Variants in STRIP2 observed in about 807,000 individuals in gnomAD.
STRIP2 encodes the protein striatin interacting protein 2.
STRIP2 carries 84 observed loss-of-function variants against 107.1 expected under a neutral mutation model. The ratio of observed to expected loss-of-function variants is 0.78; its 90% CI spans 0.66 to 0.94. STRIP2 has a LOEUF of 0.94. Among genes scored for constraint, STRIP2 ranks in the 40% least tolerant of loss-of-function variants. The probability of loss-of-function intolerance (pLI) is 0.00; values close to 1 mark genes in which losing one functional copy is unlikely to be tolerated. For missense variants in STRIP2, 888 were observed against 1,034.2 expected (o/e 0.86, Z 1.94); for synonymous variants, 394 against 400.4 (o/e 0.98, Z 0.19).
chr7:129,450,596 G>T (rs1798158571), intron 3 of STRIP2, among the ~76,000 whole-genome samples: 1 of 152,218 alleles, frequency 6.6e-6, no homozygotes, highest in African/African-American at 2.4e-5. Flanking sequence ...AGATACTGGA[G>T]GCAGGAGTGA....
chr7:129,477,864 A>T, intron 18 of STRIP2: 2 of 477,854 alleles, frequency 4.2e-6, no homozygotes, highest in Non-Finnish European at 8.4e-6. Flanking sequence ...CTGTGAGCCC[A>T]TGTAGACACC....
chr7:129,446,653 G>C (rs1388538309), intron 3 of STRIP2, among the ~76,000 whole-genome samples: 2 of 152,130 alleles, frequency 1.3e-5, no homozygotes, highest in African/African-American at 4.8e-5. Flanking sequence ...CTCTTCCTCT[G>C]TCAACTTATA....
chr7:129,476,871 C>T (rs1420200120), intron 18 of STRIP2, among the ~76,000 whole-genome samples: 1 of 151,936 alleles, frequency 6.6e-6, no homozygotes, highest in Non-Finnish European at 1.5e-5. Context: ...CCACTGCACT[C>T]CAGCCTGGGC....
At chr7:129,474,959 T>A (rs941448032) in intron 18 of STRIP2, among the ~76,000 whole-genome samples, 2 of 152,238 alleles carry the variant, frequency 1.3e-5, no homozygotes, top group Admixed American at 6.5e-5. Flanking sequence ...TTTGTCAAAC[T>A]AATTAGCTCT....
rs1342847001 is a variant in STRIP2, at chr7:129,485,599, G to A, written c.2275G>A (p.Asp759Asn). 6.2e-7 allele frequency: 1 copy of A among 1,613,908 alleles called. No homozygotes were observed. Among genetic ancestry groups the A allele is most frequent in the Admixed American group, 1.7e-5 (1 of 59,968 alleles). The change falls in exon 21 of 21, where the codon GAC becomes AAC. Residue 759 changes from aspartate to asparagine, a missense_variant. Transcript: ENST00000249344. ...CACAGACATCGATGCCAGACCATGG[G>A]ACTTCCAAGCAGAAGAATGTACCTT... ...YGNDIDARPW[D>N]FQAEECTLRA...
chr7:129,440,141 G>T, intron 2 of STRIP2, 50 bp downstream of exon 2: 1 of 1,510,054 alleles, frequency 6.6e-7, no homozygotes, highest in South Asian at 1.1e-5. Context: ...CAGGAGGAGA[G>T]GGAAGGGGCC....
At chr7:129,454,005 C>T in intron 5 of STRIP2, 137 bp from the exon 6 acceptor site, 1 of 725,086 alleles carries the variant, frequency 1.4e-6, no homozygotes, top group Non-Finnish European at 2.3e-6. Flanking sequence ...CTGTCAGCTC[C>T]TTTACTCTAG....
chr7:129,444,442 C>T (rs990881977), intron 3 of STRIP2, among the ~76,000 whole-genome samples: 8 of 152,114 alleles, frequency 5.3e-5, no homozygotes, highest in Non-Finnish European at 7.4e-5. Flanking sequence ...CTAGGCCCAT[C>T]TCTCCTTTTC....
intron 13 of STRIP2, among the ~76,000 whole-genome samples, chr7:129,462,659 A>G (rs950601720): frequency 1.3e-5 from 2 of 149,868 alleles, no homozygotes; most frequent in Admixed American, 6.6e-5. Context: ...GGCTTACAGA[A>G]CGTTCTAGAG....
rs1005374222 is a variant in STRIP2, at chr7:129,462,660, C to T, written c.1477-306C>T. ...TACCTCTCCTTCCAGGCTTACAGAACGTTCTAGAGTTTTCAGCCTCAGATC... is the reference window on the plus strand; with the variant it reads ...TACCTCTCCTTCCAGGCTTACAGAATGTTCTAGAGTTTTCAGCCTCAGATC... On this transcript the variant is annotated intron_variant, in intron 13 of 20. Transcript: ENST00000249344. Among the ~76,000 whole-genome samples the T allele has an allele frequency of 1.3e-4, 20 of 151,096 alleles. No homozygotes were observed. In the East Asian group the frequency reaches 3.5e-3, roughly 27 times the overall value.
chr7:129,436,360 C>T (rs1797738297), intron 1 of STRIP2, among the ~76,000 whole-genome samples: 2 of 152,180 alleles, frequency 1.3e-5, no homozygotes, highest in Admixed American at 1.3e-4. Context: ...TGTTCCCCAC[C>T]TGTCAAGTCT....
intron 5 of STRIP2, 70 bp from the exon 6 acceptor site, chr7:129,454,072 A>T (rs895800572): frequency 7.1e-7 from 1 of 1,418,364 alleles, no homozygotes; most frequent in Non-Finnish European, 9.9e-7. Context: ...TATTTGTGTG[A>T]GTGATAAGTA....
At position 129,460,428 on chromosome 7, in the gene STRIP2, T is replaced by C. The variant is rs2151004150; in HGVS notation, c.1476+56T>C. ...AGTAGAAGAAAACCTGTCTTCAGTG[T>C]TGTCACAGAGCATGTGTGCATGCAT... On this transcript the variant is annotated intron_variant, in intron 13 of 20. Coordinates refer to ENST00000249344, the MANE Select transcript of STRIP2 (RefSeq NM_020704.3). The C allele has an allele frequency of 4.8e-6, 7 of 1,454,084 alleles. No homozygotes were observed. The South Asian group carries it at 8.3e-5, about 17-fold the overall frequency. The allele number at this position is 1,454,084 out of a possible 1,614,324, so 90.1% of individuals were successfully genotyped here.
intron 5 of STRIP2, 94 bp downstream of exon 5, chr7:129,453,441 C>T: frequency 6.7e-7 from 1 of 1,483,216 alleles, no homozygotes; most frequent in Non-Finnish European, 9.1e-7. Flanking sequence ...TAGAGACCCC[C>T]TGTGAGGAAC....
chr7:129,464,545 A>G (rs144101122), intron 15 of STRIP2, 67 bp from the exon 16 acceptor site: 16,815 of 1,572,860 alleles, frequency 0.011, 189 homozygotes, highest in Admixed American at 0.049. Context: ...AGACCCAAAT[A>G]CCTGGATCCC....
At position 129,456,446 on chromosome 7, in the gene STRIP2, T is replaced by G; in HGVS notation, c.842T>G (p.Leu281Arg). ...LLLWKVVMFTLGGFEHLQTLK... is the reference protein window; with the variant it reads ...LLLWKVVMFTRGGFEHLQTLK... ...TTCCTGTTTCTTCCTTAGTTTACCCTCGGTGGATTTGAGCATCTGCAGACT... is the reference window on the plus strand; with the variant it reads ...TTCCTGTTTCTTCCTTAGTTTACCCGCGGTGGATTTGAGCATCTGCAGACT... Residue 281 changes from leucine to arginine, a missense_variant, in exon 9 of 21, where the codon CTC becomes CGC. Coordinates refer to ENST00000249344, the MANE Select transcript of STRIP2 (RefSeq NM_020704.3). The G allele has an allele frequency of 6.2e-7, 1 of 1,613,990 alleles. No homozygotes were observed. Among genetic ancestry groups the G allele is most frequent in the Non-Finnish European group, 8.5e-7 (1 of 1,179,978 alleles).
chr7:129,465,431 A>G (rs1798647740), intron 16 of STRIP2, among the ~76,000 whole-genome samples: 1 of 152,140 alleles, frequency 6.6e-6, no homozygotes, highest in Non-Finnish European at 1.5e-5. Context: ...TAAAAACCGT[A>G]ATTAAATGTT....
At chr7:129,448,336 A>G (rs1323713851) in intron 3 of STRIP2, among the ~76,000 whole-genome samples, 2 of 152,168 alleles carry the variant, frequency 1.3e-5, no homozygotes, top group South Asian at 4.1e-4. Context: ...CCCTTTCCCC[A>G]GTGCACAGTT....
chr7:129,482,993 C>A lies in STRIP2; in HGVS notation c.2201C>A (p.Ala734Asp), dbSNP rs144282672. Residue 734 changes from alanine (A) to aspartate (D), a missense_variant, in exon 20 of 21, where the codon GCC (alanine) becomes GAC (aspartate). Coordinates refer to ENST00000249344, the MANE Select transcript of STRIP2 (RefSeq NM_020704.3). Reference sequence around the variant, plus strand: ...AAAAGCAACATGAAAACCATGTCAGCCATTTACCAGAAAGTGCGTCACCGC... The same window carrying A: ...AAAAGCAACATGAAAACCATGTCAGACATTTACCAGAAAGTGCGTCACCGC... ...WRKSNMKTMS[A>D]IYQKVRHRMN... 5 of 1,614,048 alleles carry A rather than the reference C, an allele frequency of 3.1e-6. No homozygotes were observed. Among genetic ancestry groups the A allele is most frequent in the Non-Finnish European group, 4.2e-6 (5 of 1,180,044 alleles).
Sources: allele counts gnomAD v4.1 joint callset (sites outside exome capture counted in the v4.1 genomes callset), GRCh38; gene constraint gnomAD v4.1.1; transcripts MANE v1.5; gene names NCBI Gene and HGNC (gene_info 2026-07-23, HGNC 2026-07-21).